The following LNPEP variants were observed in gnomAD, a reference collection of about 807,000 sequenced individuals.
LNPEP encodes leucyl-cystinyl aminopeptidase.
In LNPEP, 64 loss-of-function variants were observed where a neutral mutation model predicts 120.6. The observed-to-expected ratio is 0.53, with a 90% CI of 0.43 to 0.65. LNPEP has a LOEUF of 0.65. LNPEP is among the 30% of genes least tolerant of loss of function. The pLI, the probability that LNPEP is intolerant of heterozygous loss-of-function variation, is 0.00. For synonymous variants in LNPEP, 435 were observed against 425.4 expected, an observed-to-expected ratio of 1.02 and a Z score of -0.28; for missense variants, 1,057 against 1,200.0, an observed-to-expected ratio of 0.88 and a Z score of 1.76.
rs79630828 is a variant in LNPEP, at chr5:96,961,348, C to G, written c.20-17790C>G. On this transcript the variant is annotated intron_variant, in intron 1 of 17. Coordinates refer to ENST00000231368, the MANE Select transcript of LNPEP (RefSeq NM_005575.3). ...TGTGGGTTAAACTCACTTATTGTTT[C>G]ACTTCTATCTTCCTCTAGAGAAGTT... is the stretch of plus-strand genomic sequence containing the variant. Among the ~76,000 whole-genome samples, 1,379 of 152,186 alleles carry G rather than the reference C, an allele frequency of 9.1e-3. 17 individuals carry two copies. Among genetic ancestry groups the G allele is most frequent in the African/African-American group, 0.031 (1,307 of 41,528 alleles).
intron 1 of LNPEP, among the ~76,000 whole-genome samples, chr5:96,945,500 A>G (rs1344803832): frequency 2.0e-5 from 3 of 152,118 alleles, no homozygotes; most frequent in Non-Finnish European, 4.4e-5. Flanking sequence ...AAATAGGTCT[A>G]AGAAATATAT....
chr5:96,980,377 GAA>G (rs1790095418), intron 2 of LNPEP, among the ~76,000 whole-genome samples: 1 of 152,128 alleles, frequency 6.6e-6, no homozygotes, highest in Non-Finnish European at 1.5e-5. Flanking sequence ...GTGAAATACA[GAA>G]AGAGGGCATG....
chr5:96,984,730 A>G (rs985358129), intron 2 of LNPEP, among the ~76,000 whole-genome samples: 6 of 151,930 alleles, frequency 3.9e-5, no homozygotes, highest in Non-Finnish European at 7.4e-5. Context: ...GGCTTGCCAC[A>G]CTTGTGTTAC....
chr5:96,974,882 C>T (rs1167974757), intron 1 of LNPEP, among the ~76,000 whole-genome samples: 1 of 152,058 alleles, frequency 6.6e-6, no homozygotes, highest in Non-Finnish European at 1.5e-5. Flanking sequence ...TGGTCCATTT[C>T]TTCTCCTTTG....
In LNPEP at chr5:96,998,120, T is replaced by C; in HGVS notation, c.1628T>C (p.Met543Thr). 6.3e-7 allele frequency: 1 copy of C among 1,599,708 alleles called. No homozygotes were observed. Among genetic ancestry groups the C allele is most frequent in the Non-Finnish European group, 8.5e-7 (1 of 1,173,726 alleles). The part of the protein sequence containing the change: ...SVQSSEQIEE[M>T]FDSLSYFKGS... Reference sequence around the variant, plus strand: ...CAGTCTTCAGAACAAATTGAAGAAATGTTTGATTCTCTTTCCTATTTTAAG... The same window carrying C: ...CAGTCTTCAGAACAAATTGAAGAAACGTTTGATTCTCTTTCCTATTTTAAG... Residue 543 changes from methionine (M) to threonine (T), a missense_variant, in exon 8 of 18, where the codon ATG (methionine) becomes ACG (threonine). By Grantham distance (81) the Met-to-Thr change is moderately conservative. Coordinates refer to ENST00000231368, the MANE Select transcript of LNPEP (RefSeq NM_005575.3).
chr5:96,970,568 A>C (rs907129397), intron 1 of LNPEP, among the ~76,000 whole-genome samples: 3 of 151,470 alleles, frequency 2.0e-5, no homozygotes, highest in Non-Finnish European at 4.4e-5. Context: ...CACTGTTTTC[A>C]TTTGTTCCTT....
At chr5:97,017,366 G>T (rs530119479) in intron 13 of LNPEP, among the ~76,000 whole-genome samples, 1 of 151,982 alleles carries the variant, frequency 6.6e-6, no homozygotes, top group South Asian at 2.1e-4. Context: ...ATATATCCTA[G>T]ATATGAATCT....
At chr5:97,013,603 C>A in intron 11 of LNPEP, 45 bp from the exon 12 acceptor site, 1 of 1,145,362 alleles carries the variant, frequency 8.7e-7, no homozygotes, top group South Asian at 2.6e-5. Context: ...TTTTCTTGTC[C>A]AATTGTCTTC....
At chr5:97,022,822 G>A (rs1434133865) in intron 14 of LNPEP, among the ~76,000 whole-genome samples, 2 of 119,424 alleles carry the variant, frequency 1.7e-5, no homozygotes, top group Admixed American at 1.2e-4. Context: ...AGAGTGTGAT[G>A]TTCCCCTTCC....
In LNPEP at chr5:97,031,952, G is replaced by A. The variant is rs1377587716; in HGVS notation, c.*3419G>A. On this transcript the variant is annotated 3_prime_UTR_variant, in exon 18 of 18. Transcript: ENST00000231368. ...TGGATTACTGACAGTTTGTTGAGAT[G>A]GATTTTAAAAAGAGTCTATTTAAAC... 2 of 152,062 alleles carry A rather than the reference G, an allele frequency of 1.3e-5. No individual in the cohort carries two copies. The highest frequency in any genetic ancestry group is 4.8e-5 in the African/African-American group (2 of 41,414). The allele number at this position is 152,062 out of a possible 1,614,324, so 9.4% of individuals were successfully genotyped here. A position where few individuals can be genotyped will look rare whatever the true frequency, so the allele number is the denominator to read the frequency against.
chr5:97,006,091 G>C lies in LNPEP; in HGVS notation c.1804G>C (p.Asp602His). Reference protein sequence around the residue: ...SFNEVTNQTLDVKRMMKTWTL... With the variant: ...SFNEVTNQTLHVKRMMKTWTL... ...TTTGTAGGTCACAAACCAAACACTAGATGTAAAGAGAATGATGAAAACCTG... is the reference window on the plus strand; with the variant it reads ...TTTGTAGGTCACAAACCAAACACTACATGTAAAGAGAATGATGAAAACCTG... The change falls in exon 10 of 18, where the codon GAT becomes CAT. Residue 602 changes from aspartate to histidine, a missense_variant. Transcript: ENST00000231368. The C allele has an allele frequency of 6.6e-7, 1 of 1,512,474 alleles. No homozygotes were observed. The allele number at this position is 1,512,474 out of a possible 1,614,324, so 93.7% of individuals were successfully genotyped here.
chr5:96,939,883 T>A (rs182043958), intron 1 of LNPEP, among the ~76,000 whole-genome samples: 107 of 152,196 alleles, frequency 7.0e-4, no homozygotes, highest in African/African-American at 1.9e-3. Flanking sequence ...TAAAAAAAAA[T>A]TTTTAGCATC....
In LNPEP at chr5:96,945,118, G is replaced by T. The variant is rs76265899; in HGVS notation, c.19+8944G>T. ...CTCCTGGATCAAAAAAAGACCTGGG[G>T]TGGTGCAGTGGCTCACACCTGTAAT... On this transcript the variant is annotated intron_variant, in intron 1 of 17. Transcript: ENST00000231368. 9.1e-3 allele frequency among the ~76,000 whole-genome samples: 1,383 copies of T among 152,098 alleles called. 29 individuals are homozygous for T. Among genetic ancestry groups the T allele is most frequent in the East Asian group, 0.066 (342 of 5,172 alleles).
At chr5:96,941,649 G>A (rs1789058766) in intron 1 of LNPEP, among the ~76,000 whole-genome samples, 1 of 152,008 alleles carries the variant, frequency 6.6e-6, no homozygotes, top group African/African-American at 2.4e-5. Context: ...AGAGAGTGTT[G>A]CTTATTGCCT....
chr5:97,007,597 T>G (rs1470047110), intron 11 of LNPEP, among the ~76,000 whole-genome samples: 1 of 152,226 alleles, frequency 6.6e-6, no homozygotes, highest in Admixed American at 6.5e-5. Context: ...CTTATTACCC[T>G]ATCAAAACTA....
At chr5:97,026,521 G>A in intron 15 of LNPEP, 96 bp from the exon 16 acceptor site, 1 of 934,996 alleles carries the variant, frequency 1.1e-6, no homozygotes. Context: ...TTGCTACACA[G>A]CTTTAATTAG....
intron 9 of LNPEP, among the ~76,000 whole-genome samples, chr5:97,005,238 T>C (rs1790751795): frequency 6.6e-6 from 1 of 152,202 alleles, no homozygotes; most frequent in Admixed American, 6.5e-5. Context: ...TCAATTTAGG[T>C]ACATCATGAC....
chr5:96,971,318 A>G (rs1945940078), intron 1 of LNPEP, among the ~76,000 whole-genome samples: 1 of 147,876 alleles, frequency 6.8e-6, no homozygotes, highest in Non-Finnish European at 1.5e-5. Context: ...AGCAGTTTTG[A>G]CCATGATGTG....
rs10491385 is a variant in LNPEP at position 96,998,343 on chromosome 5, T to G, written c.1653+198T>G. On this transcript the variant is annotated intron_variant, in intron 8 of 17. Coordinates refer to ENST00000231368, the MANE Select transcript of LNPEP (RefSeq NM_005575.3). ...GTTTTTTTCTTTCTCTGACTCTAACTTAAGTTGTATGACTAGTATTCCAGA... is the reference window on the plus strand; with the variant it reads ...GTTTTTTTCTTTCTCTGACTCTAACGTAAGTTGTATGACTAGTATTCCAGA... Among the ~76,000 whole-genome samples the G allele has an allele frequency of 0.038, 5,710 of 152,232 alleles. 186 individuals carry two copies. The highest frequency in any genetic ancestry group is 0.11 in the Middle Eastern group (33 of 294).
Sources: gnomAD v4.1 joint callset for allele counts (sites outside exome capture counted in the v4.1 genomes callset) on GRCh38, gnomAD v4.1.1 for gene constraint, MANE v1.5 for transcripts, NCBI Gene and HGNC (gene_info 2026-07-23, HGNC 2026-07-21) for gene names.